The following FAT4 variants were observed in gnomAD, a reference collection of about 807,000 sequenced individuals.
FAT4 encodes FAT atypical cadherin 4.
A neutral mutation model predicts 303.9 loss-of-function variants in FAT4; 84 were observed. That is an observed-to-expected ratio of 0.28 (90% CI 0.23 to 0.33). The LOEUF (loss-of-function observed/expected upper bound fraction) is 0.33. Among genes scored for constraint, FAT4 ranks in the 10% least tolerant of loss-of-function variants. The probability of loss-of-function intolerance (pLI) is 1.00; values close to 1 mark genes in which losing one functional copy is unlikely to be tolerated. For missense variants in FAT4, 6,005 were observed against 6,146.8 expected, an observed-to-expected ratio of 0.98 and a Z score of 0.77; for synonymous variants, 2,307 against 2,298.8, an observed-to-expected ratio of 1.00 and a Z score of -0.10.
intron 7 of FAT4, among the ~76,000 whole-genome samples, chr4:125,433,965 T>G (rs1725363104): frequency 6.6e-6 from 1 of 152,220 alleles, no homozygotes; most frequent in African/African-American, 2.4e-5. Context: ...CAAATGATAT[T>G]GTTGTGTTCT....
intron 10 of FAT4, among the ~76,000 whole-genome samples, chr4:125,460,541 T>C (rs557033139): frequency 3.3e-5 from 5 of 152,052 alleles, no homozygotes; most frequent in Non-Finnish European, 7.4e-5. Flanking sequence ...TGGTATTTGG[T>C]TTTCTGTTCC....
rs1726751639 is a variant in FAT4 at position 125,468,616 on chromosome 4, T to C, written c.12010T>C (p.Phe4004Leu). The change falls in exon 12 of 18, where the codon TTT becomes CTT. Residue 4004 changes from phenylalanine to leucine, a missense_variant. Physicochemically the swap from Phe to Leu is conservative, Grantham distance 22. Transcript: ENST00000394329. ...CAATAACAACTATATTTATGTCAAA[T>C]TTGCCACGATTAAAAGTCATGCCTT... ...DPNNNYIYVK[F>L]ATIKSHALLL... 6.2e-7 allele frequency: 1 copy of C among 1,614,138 alleles called. No homozygotes were observed. The highest frequency in any genetic ancestry group is 8.5e-7 in the Non-Finnish European group (1 of 1,180,014).
chr4:125,479,903 TAAC>T, intron 15 of FAT4, 38 bp downstream of exon 15: 1 of 1,472,054 alleles, frequency 6.8e-7, no homozygotes, highest in Non-Finnish European at 9.1e-7. Context: ...GAAATTTTAA[TAAC>T]TATGAAAAGT....
At position 125,468,795 on chromosome 4, in the gene FAT4, T is replaced by G. The variant is rs1560627232; in HGVS notation, c.12189T>G (p.Thr4063=). 6.2e-7 allele frequency: 1 copy of G among 1,611,810 alleles called. No individual in the cohort carries two copies. Among genetic ancestry groups the G allele is most frequent in the East Asian group, 2.2e-5 (1 of 44,826 alleles). ...AGGTGTCAGATGGACATTTTCACAC[T>G]GTGATTGCCAGGAGAGCAGGAATGG... ...MKKVSDGHFH[T]VIARRAGMAA... The change falls in exon 12 of 18, where the codon ACT becomes ACG. Residue 4063 remains threonine, a synonymous_variant. Coordinates refer to ENST00000394329, the MANE Select transcript of FAT4 (RefSeq NM_001291303.3).
rs1726085942 is a variant in FAT4 at position 125,451,779 on chromosome 4, A to T, written c.10769A>T (p.Asp3590Val). 1 of 1,614,178 alleles carries T rather than the reference A, an allele frequency of 6.2e-7. No homozygotes were observed. The highest frequency in any genetic ancestry group is 8.5e-7 in the Non-Finnish European group (1 of 1,180,020). The change falls in exon 10 of 18, where the codon GAT becomes GTT. Residue 3590 changes from aspartate (D) to valine (V), a missense_variant. Transcript: ENST00000394329. ...TTCTATCTGTCTGTGGTTACCAAGG[A>T]TTCTGGTGTTCCTCAAATGTCTTCC... is the stretch of plus-strand genomic sequence containing the variant. ...ADFYLSVVTK[D>V]SGVPQMSSTG...
intron 2 of FAT4, among the ~76,000 whole-genome samples, chr4:125,340,648 T>G (rs1731755606): frequency 6.6e-6 from 1 of 152,220 alleles, no homozygotes; most frequent in African/African-American, 2.4e-5. Flanking sequence ...AAGAATTTAA[T>G]TACACATTTG....
At chr4:125,339,384 G>T (rs541971535) in intron 2 of FAT4, among the ~76,000 whole-genome samples, 4 of 152,072 alleles carry the variant, frequency 2.6e-5, no homozygotes, top group South Asian at 4.2e-4. Flanking sequence ...TTTTAGTAGA[G>T]ACGGGGTTTC....
chr4:125,452,745 A>G lies in FAT4; in HGVS notation c.11735A>G (p.Lys3912Arg). 6.2e-7 allele frequency: 1 copy of G among 1,614,034 alleles called. No homozygotes were observed. Residue 3912 changes from lysine (K) to arginine (R), a missense_variant, in exon 10 of 18, where the codon AAG (lysine) becomes AGG (arginine). Lys to Arg is a conservative substitution (Grantham distance 26). Transcript: ENST00000394329. Reference sequence around the variant, plus strand: ...AATGAGTGCCTGCAGAGTCCTTGCAAGAATGGTGCCATCTGCCAGAATTTT... The same window carrying G: ...AATGAGTGCCTGCAGAGTCCTTGCAGGAATGGTGCCATCTGCCAGAATTTT... ...DINECLQSPC[K>R]NGAICQNFPG... is the part of the protein sequence containing the mutation.
intron 7 of FAT4, among the ~76,000 whole-genome samples, chr4:125,432,833 A>G (rs1030128428): frequency 3.6e-5 from 5 of 140,726 alleles, no homozygotes; most frequent in South Asian, 2.3e-4. Context: ...ATATATATAT[A>G]TGGCAACAAT....
intron 12 of FAT4, 119 bp downstream of exon 12, chr4:125,468,938 A>G: frequency 1.8e-6 from 2 of 1,092,922 alleles, no homozygotes; most frequent in South Asian, 1.7e-5. Flanking sequence ...TTAGTTATGA[A>G]AAACTTAGAC....
chr4:125,387,382 A>G (rs976151772), intron 2 of FAT4, among the ~76,000 whole-genome samples: 1 of 152,194 alleles, frequency 6.6e-6, no homozygotes, highest in Admixed American at 6.5e-5. Context: ...CTAGAAAACC[A>G]CTAAAGATGG....
At chr4:125,417,967 T>A (rs1274524838) in intron 7 of FAT4, among the ~76,000 whole-genome samples, 1 of 152,188 alleles carries the variant, frequency 6.6e-6, no homozygotes, top group East Asian at 1.9e-4. Context: ...ACTCTTGATA[T>A]GAATAACCAC....
chr4:125,399,337 ATATT>A (rs1734297386), intron 3 of FAT4, among the ~76,000 whole-genome samples: 2 of 152,106 alleles, frequency 1.3e-5, no homozygotes, highest in South Asian at 2.1e-4. Flanking sequence ...ACTATTTTCT[ATATT>A]TATATATTAA....
chr4:125,391,989 A>G (rs1402147517), intron 2 of FAT4, among the ~76,000 whole-genome samples: 2 of 152,152 alleles, frequency 1.3e-5, no homozygotes, highest in Admixed American at 1.3e-4. Flanking sequence ...TGTCAGAATG[A>G]GCAGGACACA....
intron 2 of FAT4, among the ~76,000 whole-genome samples, chr4:125,347,301 T>TA: frequency 6.6e-6 from 1 of 151,094 alleles, no homozygotes; most frequent in East Asian, 1.9e-4. Flanking sequence ...CACATGTAGA[T>TA]AAAAAGACCA....
chr4:125,414,033 T>C (rs1475927892), intron 5 of FAT4, among the ~76,000 whole-genome samples: 1 of 151,994 alleles, frequency 6.6e-6, no homozygotes, highest in Non-Finnish European at 1.5e-5. Flanking sequence ...AAAATGCACA[T>C]CGTTACAGGC....
chr4:125,479,805 T>A lies in FAT4; in HGVS notation c.12544T>A (p.Tyr4182Asn). 1 of 1,606,388 alleles carries A rather than the reference T, an allele frequency of 6.2e-7. No homozygotes were observed. The highest frequency in any genetic ancestry group is 1.1e-5 in the South Asian group (1 of 90,202). Residue 4182 changes from tyrosine to asparagine, a missense_variant, in exon 15 of 18, where the codon TAC (tyrosine) becomes AAC (asparagine). Physicochemically the swap from Tyr to Asn is moderately radical, Grantham distance 143. Transcript: ENST00000394329. ...CCAACATGGTGGCACATGTATGGATTACTGGTCATGGCAGCAGTGTCATTG... is the reference window on the plus strand; with the variant it reads ...CCAACATGGTGGCACATGTATGGATAACTGGTCATGGCAGCAGTGTCATTG... ...PCQHGGTCMD[Y>N]WSWQQCHCKE...
At chr4:125,385,141 C>T (rs890141723) in intron 2 of FAT4, among the ~76,000 whole-genome samples, 3 of 151,220 alleles carry the variant, frequency 2.0e-5, no homozygotes, top group Non-Finnish European at 4.4e-5. Context: ...TCTGCCTCAG[C>T]CTCCTGAGTA....
chr4:125,369,362 A>T (rs2125990532), intron 2 of FAT4, among the ~76,000 whole-genome samples: 1 of 152,200 alleles, frequency 6.6e-6, no homozygotes, highest in East Asian at 1.9e-4. Flanking sequence ...AACCCAGGAG[A>T]TGGAGGTTGC....
Sources: allele counts gnomAD v4.1 joint callset (sites outside exome capture counted in the v4.1 genomes callset), GRCh38; gene constraint gnomAD v4.1.1; transcripts MANE v1.5; gene names NCBI Gene and HGNC (gene_info 2026-07-23, HGNC 2026-07-21).